Variants in TENM4 observed in about 807,000 individuals in gnomAD.
The protein encoded by TENM4 is teneurin-4.
In TENM4, 82 loss-of-function variants were observed where a neutral mutation model predicts 243.3. The observed-to-expected ratio is 0.34, with a 90% confidence interval of 0.28 to 0.40. TENM4 has a LOEUF of 0.40. Among genes scored for constraint, TENM4 ranks in the 10% least tolerant of loss-of-function variants. The pLI is 1.00. For synonymous variants in TENM4, 1,412 were observed against 1,456.3 expected (o/e 0.97, Z 0.69); for missense variants, 3,138 against 3,673.3 (o/e 0.85, Z 3.77).
chr11:78,671,164 T>C (rs1858314932), intron 31 of TENM4, among the ~76,000 whole-genome samples: 1 of 152,240 alleles, frequency 6.6e-6, no homozygotes, highest in Non-Finnish European at 1.5e-5. Context: ...TACTCTGGGA[T>C]AGGGCAGACT....
chr11:79,294,807 T>G (rs558459346), intron 2 of TENM4, among the ~76,000 whole-genome samples: 1 of 151,786 alleles, frequency 6.6e-6, no homozygotes, highest in African/African-American at 2.4e-5. Flanking sequence ...CAAGAACCCA[T>G]CACTGCACTC....
intron 1 of TENM4, among the ~76,000 whole-genome samples, chr11:79,322,669 G>A (rs1003539159): frequency 1.3e-5 from 2 of 152,164 alleles, no homozygotes; most frequent in Non-Finnish European, 2.9e-5. Context: ...AGACAAGCAG[G>A]TAATCAAAAT....
intron 21 of TENM4, among the ~76,000 whole-genome samples, chr11:78,731,756 C>T (rs1447720357): frequency 2.0e-5 from 3 of 152,164 alleles, no homozygotes; most frequent in Admixed American, 2.0e-4. Flanking sequence ...GTTGTATGTA[C>T]AGATTTGAGC....
chr11:79,369,973 C>T lies in TENM4; in HGVS notation c.-321+70536G>A, dbSNP rs920036758. On this transcript the variant is annotated intron_variant, in intron 1 of 33. Transcript: ENST00000278550. ...AGCAGCTGGAGCCCTGGCCCTGGGT[C>T]TCCAGCCCACAAACCATGCAATTTT... is the stretch of plus-strand genomic sequence containing the variant. Among the ~76,000 whole-genome samples the T allele has an allele frequency of 3.3e-5, 5 of 152,280 alleles. 1 individual carries two copies. The highest frequency in any genetic ancestry group is 2.1e-4 in the South Asian group (1 of 4,812).
intron 1 of TENM4, among the ~76,000 whole-genome samples, chr11:79,359,901 T>C (rs1857562690): frequency 6.6e-6 from 1 of 152,044 alleles, no homozygotes. Flanking sequence ...GCTCTGTCAA[T>C]CGTTCATGGG....
intron 6 of TENM4, among the ~76,000 whole-genome samples, chr11:79,002,506 G>C (rs901888921): frequency 5.9e-5 from 9 of 152,182 alleles, no homozygotes; most frequent in Non-Finnish European, 1.2e-4. Flanking sequence ...TAGTTTCCAA[G>C]AGTTACAGCA....
At position 78,854,258 on chromosome 11, in the gene TENM4, G is replaced by A; in HGVS notation, c.1527C>T (p.Ser509=). The A allele has an allele frequency of 6.5e-7, 1 of 1,543,794 alleles. No individual in the cohort carries two copies. Among genetic ancestry groups the A allele is most frequent in the South Asian group, 1.2e-5 (1 of 83,036 alleles). ...GRRLLTQEAR[S]LEGTPRQSRG... ...GAGACTGGCGCGGGGTCCCCTCTAG[G>A]CTCCGCGCCTCCTGGGTTAGGAGCC... The change falls in exon 12 of 34, where the codon AGC becomes AGT. Residue 509 remains serine, a synonymous_variant. Transcript: ENST00000278550.
intron 9 of TENM4, among the ~76,000 whole-genome samples, chr11:78,867,971 A>T (rs1018711161): frequency 2.6e-5 from 4 of 151,808 alleles, no homozygotes; most frequent in African/African-American, 9.7e-5. Context: ...GGGGGAGCTG[A>T]TAGTGATGAT....
At chr11:79,042,428 C>T (rs1859557738) in intron 6 of TENM4, among the ~76,000 whole-genome samples, 2 of 152,176 alleles carry the variant, frequency 1.3e-5, no homozygotes, top group South Asian at 4.1e-4. Context: ...GCCAAGAGGG[C>T]TCTTCCCTTA....
intron 28 of TENM4, among the ~76,000 whole-genome samples, chr11:78,692,574 G>A (rs1393534836): frequency 6.6e-6 from 1 of 152,186 alleles, no homozygotes; most frequent in Non-Finnish European, 1.5e-5. Context: ...CCTGAGGGCA[G>A]GGACTTCATT....
intron 12 of TENM4, among the ~76,000 whole-genome samples, chr11:78,835,954 CATA>C (rs1328451321): frequency 6.6e-6 from 1 of 152,220 alleles, no homozygotes; most frequent in African/African-American, 2.4e-5. Flanking sequence ...AAAAGAAACA[CATA>C]CCGAATAAAC....
intron 19 of TENM4, among the ~76,000 whole-genome samples, chr11:78,745,167 C>T (rs1465393446): frequency 6.6e-6 from 1 of 151,626 alleles, no homozygotes; most frequent in South Asian, 2.1e-4. Context: ...CATCATAATA[C>T]ACAATAATAC....
chr11:79,124,078 G>C (rs901819700), intron 4 of TENM4, among the ~76,000 whole-genome samples: 26 of 152,086 alleles, frequency 1.7e-4, no homozygotes, highest in Admixed American at 3.3e-4. Context: ...TTCATATTGG[G>C]TTTTGACTGT....
intron 6 of TENM4, among the ~76,000 whole-genome samples, chr11:78,926,318 C>T (rs2136403953): frequency 6.7e-6 from 1 of 150,002 alleles, no homozygotes; most frequent in Non-Finnish European, 1.5e-5. Context: ...TCTCTGTCGC[C>T]CAGGCTGGAG....
At chr11:78,726,829 T>G (rs1242156110) in intron 22 of TENM4, among the ~76,000 whole-genome samples, 2 of 152,232 alleles carry the variant, frequency 1.3e-5, no homozygotes, top group Admixed American at 6.5e-5. Flanking sequence ...CCAGGCTTCC[T>G]GTACAGCCTG....
intron 19 of TENM4, among the ~76,000 whole-genome samples, chr11:78,755,162 G>A (rs920697514): frequency 1.3e-5 from 2 of 151,960 alleles, no homozygotes; most frequent in African/African-American, 4.8e-5. Flanking sequence ...TTCCCCTTGA[G>A]CAAGGTTTTT....
At chr11:78,977,417 T>C (rs2136607231) in intron 6 of TENM4, among the ~76,000 whole-genome samples, 1 of 152,366 alleles carries the variant, frequency 6.6e-6, no homozygotes, top group East Asian at 1.9e-4. Flanking sequence ...GAACTTACAC[T>C]ATAAAAGTCC....
chr11:79,110,172 C>T (rs1861471786), intron 4 of TENM4, among the ~76,000 whole-genome samples: 1 of 152,224 alleles, frequency 6.6e-6, no homozygotes, highest in African/African-American at 2.4e-5. Context: ...ATCATCATAA[C>T]ACAGACTGCC....
chr11:79,324,595 T>A (rs1159603123), intron 1 of TENM4, among the ~76,000 whole-genome samples: 1 of 152,162 alleles, frequency 6.6e-6, no homozygotes, highest in African/African-American at 2.4e-5. Flanking sequence ...AATCCATGGA[T>A]ACAGATGGCC....
Sources: gnomAD v4.1 joint callset for allele counts (sites outside exome capture counted in the v4.1 genomes callset) on GRCh38, gnomAD v4.1.1 for gene constraint, MANE v1.5 for transcripts, NCBI Gene and HGNC (gene_info 2026-07-23, HGNC 2026-07-21) for gene names.